CDH13: variants seen among roughly 807,000 people sequenced by gnomAD.
CDH13 encodes the protein cadherin 13, also known as cadherin-13.
Under a neutral mutation model 63.8 loss-of-function variants are expected in CDH13, and 24 were observed. The observed-to-expected ratio is 0.38, with a 90% CI of 0.27 to 0.53. CDH13 has a LOEUF of 0.53. Ranked by LOEUF, CDH13 falls within the 20% of genes least tolerant of loss-of-function variation. The pLI is 0.85. For missense variants in CDH13, 1,049 were observed against 903.1 expected (o/e 1.16, Z -2.07); for synonymous variants, 503 against 355.3 (o/e 1.42, Z -4.67).
At chr16:82,786,298 C>G (rs949085132) in intron 1 of CDH13, among the ~76,000 whole-genome samples, 1 of 151,916 alleles carries the variant, frequency 6.6e-6, no homozygotes, top group African/African-American at 2.4e-5. Flanking sequence ...AATCTTAAAA[C>G]CATCATAGAT....
intron 1 of CDH13, among the ~76,000 whole-genome samples, chr16:82,853,796 A>G (rs2039585082): frequency 6.6e-6 from 1 of 152,206 alleles, no homozygotes; most frequent in Non-Finnish European, 1.5e-5. Flanking sequence ...CATGTCATAG[A>G]GTAAGACTAT....
chr16:82,713,561 A>G (rs1564021), intron 1 of CDH13, among the ~76,000 whole-genome samples: 1 of 151,844 alleles, frequency 6.6e-6, no homozygotes, highest in Admixed American at 6.6e-5. Flanking sequence ...AAGAGTACGG[A>G]CTCAGAGGTT....
intron 6 of CDH13, among the ~76,000 whole-genome samples, chr16:83,386,653 G>A (rs1425727499): frequency 6.6e-6 from 1 of 152,152 alleles, no homozygotes; most frequent in Non-Finnish European, 1.5e-5. Context: ...AAGGTAAGAG[G>A]TTGTATCTTC....
intron 1 of CDH13, among the ~76,000 whole-genome samples, chr16:82,695,344 C>A (rs778739244): frequency 6.6e-6 from 1 of 152,210 alleles, no homozygotes; most frequent in Non-Finnish European, 1.5e-5. Context: ...GCTTCTAATT[C>A]TGGATCTCTT....
intron 6 of CDH13, among the ~76,000 whole-genome samples, chr16:83,433,345 G>C (rs1339642429): frequency 6.6e-6 from 1 of 152,190 alleles, no homozygotes; most frequent in Non-Finnish European, 1.5e-5. Context: ...GGCTTGTTGA[G>C]TAGTTCCAAT....
At chr16:83,126,835 T>A (rs921102139) in intron 4 of CDH13, among the ~76,000 whole-genome samples, 1 of 152,030 alleles carries the variant, frequency 6.6e-6, no homozygotes, top group Non-Finnish European at 1.5e-5. Context: ...TTGGACTGGG[T>A]GTGAAGAAGC....
chr16:83,620,457 G>C (rs2150776684), intron 8 of CDH13, among the ~76,000 whole-genome samples: 1 of 151,730 alleles, frequency 6.6e-6, no homozygotes, highest in Admixed American at 6.6e-5. Context: ...ATGCTGCTTA[G>C]GAATACTGTT....
At chr16:82,733,198 G>T (rs1446846736) in intron 1 of CDH13, among the ~76,000 whole-genome samples, 1 of 152,164 alleles carries the variant, frequency 6.6e-6, no homozygotes, top group Non-Finnish European at 1.5e-5. Flanking sequence ...CTTTACATAT[G>T]CAGACAAGTG....
intron 8 of CDH13, among the ~76,000 whole-genome samples, chr16:83,606,925 A>G (rs1398862668): frequency 6.6e-6 from 1 of 151,922 alleles, no homozygotes; most frequent in Non-Finnish European, 1.5e-5. Context: ...ACAAAGGAGA[A>G]CCGGCCACCT....
At chr16:83,504,677 C>G (rs2091813149) in intron 7 of CDH13, among the ~76,000 whole-genome samples, 1 of 152,192 alleles carries the variant, frequency 6.6e-6, no homozygotes, top group African/African-American at 2.4e-5. Context: ...ACAGCCTCAT[C>G]CTCAACACTA....
chr16:83,181,191 C>T, intron 4 of CDH13: 2 of 529,464 alleles, frequency 3.8e-6, no homozygotes, highest in South Asian at 5.5e-5. Flanking sequence ...AGAAATGAGG[C>T]CTCAGGCAAG....
At chr16:83,073,913 T>C (rs1404634083) in intron 3 of CDH13, among the ~76,000 whole-genome samples, 1 of 152,166 alleles carries the variant, frequency 6.6e-6, no homozygotes, top group Non-Finnish European at 1.5e-5. Context: ...TTTTGTTACA[T>C]GTACAGAATG....
intron 8 of CDH13, among the ~76,000 whole-genome samples, chr16:83,622,225 G>A (rs1195477912): frequency 6.6e-6 from 1 of 152,186 alleles, no homozygotes; most frequent in Non-Finnish European, 1.5e-5. Flanking sequence ...GAGGCACAGA[G>A]AGGTTTAGGA....
intron 7 of CDH13, among the ~76,000 whole-genome samples, chr16:83,582,519 A>G (rs1905715622): frequency 6.6e-6 from 1 of 152,170 alleles, no homozygotes; most frequent in Admixed American, 6.5e-5. Flanking sequence ...AAAGCAAAGC[A>G]GGCTTCCCAT....
intron 4 of CDH13, among the ~76,000 whole-genome samples, chr16:83,129,176 G>A (rs2035941250): frequency 2.0e-5 from 3 of 152,164 alleles, no homozygotes; most frequent in Non-Finnish European, 2.9e-5. Context: ...GGGGAGGCAG[G>A]GAGAAGGGAA....
chr16:82,736,621 T>C (rs1209082247), intron 1 of CDH13, among the ~76,000 whole-genome samples: 1 of 152,198 alleles, frequency 6.6e-6, no homozygotes, highest in East Asian at 1.9e-4. Flanking sequence ...ATTTTTTTCC[T>C]CTCTCCGCTA....
chr16:83,069,989 T>G (rs1567800575), intron 3 of CDH13, among the ~76,000 whole-genome samples: 1 of 152,138 alleles, frequency 6.6e-6, no homozygotes, highest in East Asian at 1.9e-4. Context: ...ATTGGGCCAA[T>G]GGCACTTTAA....
chr16:82,753,231 A>G (rs2034488060), intron 1 of CDH13, among the ~76,000 whole-genome samples: 1 of 152,244 alleles, frequency 6.6e-6, no homozygotes, highest in Non-Finnish European at 1.5e-5. Context: ...GACTGGCAGA[A>G]GTACATGGAT....
At chr16:83,173,059 G>C (rs1232111467) in intron 4 of CDH13, among the ~76,000 whole-genome samples, 1 of 152,106 alleles carries the variant, frequency 6.6e-6, no homozygotes, top group Admixed American at 6.6e-5. Context: ...GCACTAATGT[G>C]ACTATTTAAA....
Sources: allele counts gnomAD v4.1 joint callset (sites outside exome capture counted in the v4.1 genomes callset), GRCh38; gene constraint gnomAD v4.1.1; transcripts MANE v1.5; gene names NCBI Gene and HGNC (gene_info 2026-07-23, HGNC 2026-07-21).